Variants in SIM1 observed in about 807,000 individuals in gnomAD.
SIM1 encodes single-minded homolog 1.
SIM1 carries 18 observed loss-of-function variants against 78.2 expected under a neutral mutation model. That is an observed-to-expected ratio of 0.23 (90% CI 0.16 to 0.34). The LOEUF is 0.34. Among genes scored for constraint, SIM1 ranks in the 10% least tolerant of loss-of-function variants. The pLI is 1.00. For synonymous variants in SIM1, 417 were observed against 385.2 expected, an observed-to-expected ratio of 1.08 and a Z score of -0.97; for missense variants, 939 against 975.1, an observed-to-expected ratio of 0.96 and a Z score of 0.49.
In SIM1 at chr6:100,448,089, C is replaced by T. The variant is rs1772409402; in HGVS notation, c.850+57G>A. On this transcript the variant is annotated intron_variant, in intron 8 of 11. Transcript: ENST00000369208. ...GGGATTTAAATCGTGGCTCCCCCAC[C>T]CCCTAACCAGCGGATGCGCCAAGGT... is the stretch of plus-strand genomic sequence containing the variant. The T allele has an allele frequency of 5.7e-6, 8 of 1,400,890 alleles. 1 individual carries two copies. In the South Asian group the frequency reaches 9.9e-5, roughly 17 times the overall value. 86.8% of individuals were successfully genotyped at this position (1,400,890 alleles called of 1,614,324 possible). A position where few individuals can be genotyped will look rare whatever the true frequency, so the allele number is the denominator to read the frequency against.
At chr6:100,402,872 G>A (rs1231585486) in intron 10 of SIM1, among the ~76,000 whole-genome samples, 3 of 152,080 alleles carry the variant, frequency 2.0e-5, no homozygotes, top group Admixed American at 2.0e-4. Flanking sequence ...CACCGCGCCC[G>A]GCCGGTATTG....
intron 10 of SIM1, among the ~76,000 whole-genome samples, chr6:100,396,305 A>T (rs1770765307): frequency 6.6e-6 from 1 of 151,896 alleles, no homozygotes. Context: ...AAAAGTATAA[A>T]CCAGGTCTAT....
At chr6:100,423,266 C>A (rs1243591797) in intron 9 of SIM1, among the ~76,000 whole-genome samples, 2 of 152,218 alleles carry the variant, frequency 1.3e-5, no homozygotes, top group Admixed American at 1.3e-4. Flanking sequence ...TGACTTTAAA[C>A]TCTCTTGGTT....
chr6:100,412,671 G>GAAAGAAAA (rs1177089116), intron 10 of SIM1, among the ~76,000 whole-genome samples: 8 of 96,468 alleles, frequency 8.3e-5, no homozygotes, highest in Non-Finnish European at 1.2e-4. Flanking sequence ...GAGAGAGAGA[G>GAAAGAAAA]AGAAAGAAAG....
At position 100,390,048 on chromosome 6, in the gene SIM1, C is replaced by A. The variant is rs1770598090; in HGVS notation, c.*313G>T. On this transcript the variant is annotated 3_prime_UTR_variant, in exon 12 of 12. Coordinates refer to ENST00000369208, the MANE Select transcript of SIM1 (RefSeq NM_005068.3). ...CTGGATAGTCACAATGCAATGTTGT[C>A]ATTCATCAGTCCTCTCATGTAGTAT... 4.9e-6 allele frequency: 2 copies of A among 410,154 alleles called. No homozygotes were observed. Among genetic ancestry groups the A allele is most frequent in the Middle Eastern group, 6.2e-4 (1 of 1,616 alleles). 25.4% of individuals were successfully genotyped at this position (410,154 alleles called of 1,614,324 possible). A position where few individuals can be genotyped will look rare whatever the true frequency, so the allele number is the denominator to read the frequency against.
intron 10 of SIM1, among the ~76,000 whole-genome samples, chr6:100,406,709 C>T (rs771863733): frequency 6.6e-6 from 1 of 152,090 alleles, no homozygotes; most frequent in Non-Finnish European, 1.5e-5. Flanking sequence ...TAATTGACTA[C>T]TAAATTGTAT....
intron 9 of SIM1, among the ~76,000 whole-genome samples, chr6:100,441,525 T>C (rs922055757): frequency 1.3e-5 from 2 of 152,226 alleles, no homozygotes; most frequent in East Asian, 3.8e-4. Flanking sequence ...TACTGACATT[T>C]CGGTTAACTC....
chr6:100,422,857 G>A (rs918439672), intron 9 of SIM1, among the ~76,000 whole-genome samples: 1 of 152,120 alleles, frequency 6.6e-6, no homozygotes, highest in Non-Finnish European at 1.5e-5. Context: ...ATTCAGACAA[G>A]GAGTCTCTTA....
At chr6:100,431,499 G>C (rs1294218281) in intron 9 of SIM1, among the ~76,000 whole-genome samples, 1 of 152,134 alleles carries the variant, frequency 6.6e-6, no homozygotes, top group Non-Finnish European at 1.5e-5. Flanking sequence ...ACCATTATTA[G>C]TAGTATTATT....
At chr6:100,432,460 A>G (rs935506215) in intron 9 of SIM1, among the ~76,000 whole-genome samples, 1 of 152,196 alleles carries the variant, frequency 6.6e-6, no homozygotes, top group Non-Finnish European at 1.5e-5. Flanking sequence ...GAAAGGAATC[A>G]GATGAAAGGG....
intron 2 of SIM1, among the ~76,000 whole-genome samples, chr6:100,460,148 C>T (rs1772802706): frequency 6.6e-6 from 1 of 151,864 alleles, no homozygotes; most frequent in African/African-American, 2.4e-5. Context: ...CTCTGTTCTC[C>T]CACTCCCCCA....
At chr6:100,454,041 ATTT>A (rs1772583984) in intron 2 of SIM1, among the ~76,000 whole-genome samples, 197 bp from the exon 3 acceptor site, 1 of 152,136 alleles carries the variant, frequency 6.6e-6, no homozygotes, top group South Asian at 2.1e-4. Context: ...CAGAGGTTAG[ATTT>A]CCTCTTCTAA....
chr6:100,447,886 G>A (rs900406387), intron 8 of SIM1, among the ~76,000 whole-genome samples: 3 of 152,268 alleles, frequency 2.0e-5, no homozygotes, highest in East Asian at 1.9e-4. Flanking sequence ...CAATAGGAGA[G>A]TAATATACCT....
At chr6:100,453,679 T>G in intron 3 of SIM1, 83 bp downstream of exon 3, 1 of 1,060,926 alleles carries the variant, frequency 9.4e-7, no homozygotes, top group African/African-American at 1.6e-5. Flanking sequence ...TGTTTTTGTT[T>G]TCTGAGAAAC....
Position 100,449,651 on chromosome 6 carries a change from G to A in SIM1, c.397C>T (p.His133Tyr). 6.2e-7 allele frequency: 1 copy of A among 1,614,092 alleles called. No individual in the cohort carries two copies. The highest frequency in any genetic ancestry group is 8.5e-7 in the Non-Finnish European group (1 of 1,180,048). Residue 133 changes from histidine to tyrosine, a missense_variant, in exon 5 of 12, where the codon CAC becomes TAC. By Grantham distance (83) the His-to-Tyr change is moderately conservative (BLOSUM62 2). This residue lies in a region of SIM1 where 187 missense variants were observed against 191.6 expected (regional missense o/e 0.98). Coordinates refer to ENST00000369208, the MANE Select transcript of SIM1 (RefSeq NM_005068.3). ...SIYEYIHPAD[H>Y]DEMTAVLTAH... Reference sequence around the variant, plus strand: ...GTGAGCACCGCCGTCATCTCGTCGTGGTCTGCCGGGTGAATGTATTCATAA... The same window carrying A: ...GTGAGCACCGCCGTCATCTCGTCGTAGTCTGCCGGGTGAATGTATTCATAA...
At position 100,389,419 on chromosome 6, in the gene SIM1, C is replaced by T. The variant is rs1770580313; in HGVS notation, c.*942G>A. 3 of 391,680 alleles carry T rather than the reference C, an allele frequency of 7.7e-6. No individual in the cohort carries two copies. In the East Asian group the frequency reaches 1.1e-4, roughly 14 times the overall value. 24.3% of individuals were successfully genotyped at this position (391,680 alleles called of 1,614,324 possible). On this transcript the variant is annotated 3_prime_UTR_variant, in exon 12 of 12. Coordinates refer to ENST00000369208, the MANE Select transcript of SIM1 (RefSeq NM_005068.3). ...ACTGGTTTTCCTTTTATTTTTGCAC[C>T]TATTGGTCTTTTTTCTGGGTGAATT...
At chr6:100,439,098 A>G (rs991265971) in intron 9 of SIM1, among the ~76,000 whole-genome samples, 1 of 152,134 alleles carries the variant, frequency 6.6e-6, no homozygotes, top group Non-Finnish European at 1.5e-5. Flanking sequence ...TACCCCCAAA[A>G]CTATTGAAAT....
chr6:100,448,625 G>T lies in SIM1; in HGVS notation c.597C>A (p.Ser199=). Residue 199 remains serine, a synonymous_variant, in exon 7 of 12, where the codon TCC becomes TCA. Coordinates refer to ENST00000369208, the MANE Select transcript of SIM1 (RefSeq NM_005068.3). The stretch of plus-strand genomic sequence containing the variant: ...CGTTTTGGTAGCAGCCGTCGAAGGG[G>T]GACATGTCCAGGCTGTACTGGCGGA... ...LKIRQYSLDM[S]PFDGCYQNVG... The T allele has an allele frequency of 6.2e-7, 1 of 1,613,938 alleles. No individual in the cohort carries two copies. Among genetic ancestry groups the T allele is most frequent in the Admixed American group, 1.7e-5 (1 of 60,028 alleles).
In SIM1 at chr6:100,390,961, A is replaced by T. The variant is rs536579549; in HGVS notation, c.1701T>A (p.Leu567=). The part of the protein sequence containing the change: ...SPHEPSKIET[L]IRATQQMIKE... ...TAATCATTTGCTGAGTGGCTCTTAT[A>T]AGAGTTTCAATTTTGCTGGGTTCAT... Residue 567 remains leucine, a synonymous_variant, in exon 12 of 12, where the codon CTT becomes CTA. Coordinates refer to ENST00000369208, the MANE Select transcript of SIM1 (RefSeq NM_005068.3). 1 of 1,614,108 alleles carries T rather than the reference A, an allele frequency of 6.2e-7. No homozygotes were observed. Among genetic ancestry groups the T allele is most frequent in the Non-Finnish European group, 8.5e-7 (1 of 1,180,020 alleles).
Sources: gnomAD v4.1 joint callset for allele counts (sites outside exome capture counted in the v4.1 genomes callset) on GRCh38, gnomAD v4.1.1 for gene constraint, gnomAD v4.1.1 regional missense constraint, MANE v1.5 for transcripts, NCBI Gene and HGNC (gene_info 2026-07-23, HGNC 2026-07-21) for gene names.